Variants in GSG1L observed in about 807,000 individuals in gnomAD.
GSG1L encodes GSG1 like.
A neutral mutation model predicts 42.1 loss-of-function variants in GSG1L; 24 were observed. That is an observed-to-expected ratio of 0.57 (90% confidence interval 0.41 to 0.80). GSG1L has a LOEUF of 0.80. Ranked by LOEUF, GSG1L falls within the 30% of genes least tolerant of loss-of-function variation. The probability of loss-of-function intolerance (pLI) is 0.00; values close to 1 mark genes in which losing one functional copy is unlikely to be tolerated. For missense variants in GSG1L, 445 were observed against 472.2 expected (o/e 0.94, Z 0.53); for synonymous variants, 215 against 203.5 (o/e 1.06, Z -0.48).
intron 5 of GSG1L, among the ~76,000 whole-genome samples, chr16:27,821,417 T>G (rs530215071): frequency 8.7e-4 from 132 of 152,290 alleles, no homozygotes; most frequent in African/African-American, 3.0e-3. Context: ...TAGGTGGTTT[T>G]GCAACCCTTG....
At chr16:27,816,380 G>T (rs563496880) in intron 5 of GSG1L, among the ~76,000 whole-genome samples, 2 of 152,208 alleles carry the variant, frequency 1.3e-5, no homozygotes, top group African/African-American at 4.8e-5. Context: ...AAGAGACAGA[G>T]TCCCCCAAAC....
chr16:28,004,045 G>C (rs1283548839), intron 1 of GSG1L, among the ~76,000 whole-genome samples: 3 of 152,220 alleles, frequency 2.0e-5, no homozygotes, highest in African/African-American at 7.2e-5. Flanking sequence ...AGGCCTGCTG[G>C]GGCTGCTGGG....
At position 27,979,661 on chromosome 16, in the gene GSG1L, A is replaced by AAGAAAGAAAGAAAGAAAGAAAGAAAGAG. The variant is rs368394279; in HGVS notation, c.350-16459_350-16458insCTCTTTCTTTCTTTCTTTCTTTCTTTCT. On this transcript the variant is annotated intron_variant, in intron 1 of 6. Transcript: ENST00000447459. The stretch of plus-strand genomic sequence containing the variant: ...GGGAGGGGAAAGAAAGAAAGAAAGA[A>AAGAAAGAAAGAAAGAAAGAAAGAAAGAG]AGAGAGAGAGAGAGAGAGAAAGAAA... Among the ~76,000 whole-genome samples, 28 of 67,712 alleles carry AAGAAAGAAAGAAAGAAAGAAAGAAAGAG rather than the reference A, an allele frequency of 4.1e-4. 1 individual carries two copies. The highest frequency in any genetic ancestry group is 9.1e-4 in the Admixed American group (5 of 5,472). The allele number at this position is 67,712 out of a possible 152,430, so 44.4% of individuals were successfully genotyped here. A position where few individuals can be genotyped will look rare whatever the true frequency, so the allele number is the denominator to read the frequency against.
chr16:27,920,565 T>C (rs2084512077), intron 2 of GSG1L, among the ~76,000 whole-genome samples: 1 of 152,052 alleles, frequency 6.6e-6, no homozygotes, highest in Admixed American at 6.6e-5. Flanking sequence ...AAAATAGGAG[T>C]GAGACATGTT....
chr16:28,053,970 CTCTCT>C (rs2086249594), intron 1 of GSG1L, among the ~76,000 whole-genome samples: 1 of 152,134 alleles, frequency 6.6e-6, no homozygotes, highest in Non-Finnish European at 1.5e-5. Context: ...GTCTGCCTTT[CTCTCT>C]GTTGGTCACT....
intron 1 of GSG1L, among the ~76,000 whole-genome samples, chr16:28,049,686 CA>C (rs34371458): frequency 0.24 from 29,017 of 122,030 alleles, 3,062 homozygotes; most frequent in South Asian, 0.47. Flanking sequence ...GACCCTGTCT[CA>C]AAAAAAAAAA....
intron 2 of GSG1L, among the ~76,000 whole-genome samples, chr16:27,925,261 A>G (rs1276265688): frequency 6.6e-6 from 1 of 152,214 alleles, no homozygotes; most frequent in Admixed American, 6.5e-5. Flanking sequence ...AAGGATGTGT[A>G]AATGTCAACA....
intron 2 of GSG1L, among the ~76,000 whole-genome samples, chr16:27,944,611 G>A (rs2084841937): frequency 7.0e-6 from 1 of 141,896 alleles, no homozygotes; most frequent in African/African-American, 2.7e-5. Flanking sequence ...GACAGAGTGA[G>A]ACTCTGCCTC....
intron 5 of GSG1L, among the ~76,000 whole-genome samples, chr16:27,827,611 G>C (rs2083225420): frequency 6.6e-6 from 1 of 152,140 alleles, no homozygotes; most frequent in Non-Finnish European, 1.5e-5. Context: ...ATCCCCTGGA[G>C]GAAAAGCTCA....
At chr16:27,820,478 G>A (rs1464814401) in intron 5 of GSG1L, among the ~76,000 whole-genome samples, 1 of 152,110 alleles carries the variant, frequency 6.6e-6, no homozygotes, top group Non-Finnish European at 1.5e-5. Context: ...CGGTGAGTGG[G>A]AGGTGAAGAT....
intron 2 of GSG1L, among the ~76,000 whole-genome samples, chr16:27,911,864 C>G (rs1333129422): frequency 6.6e-6 from 1 of 152,158 alleles, no homozygotes; most frequent in Non-Finnish European, 1.5e-5. Context: ...CTAATAATAC[C>G]ATGTGACTGA....
chr16:27,888,548 T>C (rs2084080647), intron 2 of GSG1L, among the ~76,000 whole-genome samples: 1 of 43,868 alleles, frequency 2.3e-5, no homozygotes, highest in Non-Finnish European at 5.3e-5. Context: ...TCTTTCTTTC[T>C]TTCTTTCTTT....
chr16:28,024,696 TTC>T (rs1443949045), intron 1 of GSG1L, among the ~76,000 whole-genome samples: 5 of 152,182 alleles, frequency 3.3e-5, no homozygotes, highest in South Asian at 2.1e-4. Flanking sequence ...CTCTCAGAGA[TTC>T]TGTTTTCTTG....
At chr16:27,888,454 TTC>T (rs1213588764) in intron 2 of GSG1L, among the ~76,000 whole-genome samples, 1 of 40,838 alleles carries the variant, frequency 2.4e-5, no homozygotes, top group Non-Finnish European at 5.9e-5. Context: ...CTTTCTTTCT[TTC>T]TTTCTTTCTC....
intron 3 of GSG1L, among the ~76,000 whole-genome samples, chr16:27,858,443 T>G (rs1178340755): frequency 6.6e-6 from 1 of 152,146 alleles, no homozygotes; most frequent in Non-Finnish European, 1.5e-5. Context: ...TGTGTTTGAG[T>G]CCAGGTCAGC....
At chr16:27,804,560 T>A (rs1331805182) in intron 6 of GSG1L, among the ~76,000 whole-genome samples, 1 of 151,548 alleles carries the variant, frequency 6.6e-6, no homozygotes, top group African/African-American at 2.4e-5. Flanking sequence ...CCTGACTCCC[T>A]GCTGTCTCTC....
chr16:27,806,072 C>T (rs28662298), intron 6 of GSG1L, among the ~76,000 whole-genome samples: 39,286 of 151,878 alleles, frequency 0.26, 5,541 homozygotes, highest in African/African-American at 0.38. Flanking sequence ...TTCCCGAGCC[C>T]GTCTCTGATG....
intron 1 of GSG1L, among the ~76,000 whole-genome samples, chr16:27,991,641 G>A (rs4788024): frequency 0.69 from 104,565 of 151,114 alleles, 36,719 homozygotes; most frequent in East Asian, 0.85. Flanking sequence ...CTGACCTCAG[G>A]TGATCCACCC....
chr16:28,054,825 T>C (rs1371320338), intron 1 of GSG1L, among the ~76,000 whole-genome samples: 1 of 150,482 alleles, frequency 6.6e-6, no homozygotes, highest in Non-Finnish European at 1.5e-5. Context: ...CAGATGTCTT[T>C]AAAAAAAAAT....
Sources: allele counts gnomAD v4.1 joint callset (sites outside exome capture counted in the v4.1 genomes callset), GRCh38; gene constraint gnomAD v4.1.1; transcripts MANE v1.5; gene names NCBI Gene and HGNC (gene_info 2026-07-23, HGNC 2026-07-21).